The following EPB41L4A variants were observed in gnomAD, a reference collection of about 807,000 sequenced individuals.
EPB41L4A encodes band 4.1-like protein 4A.
Under a neutral mutation model 108.6 loss-of-function variants are expected in EPB41L4A, and 100 were observed. The ratio of observed to expected loss-of-function variants is 0.92; its 90% confidence interval spans 0.78 to 1.09. The LOEUF (loss-of-function observed/expected upper bound fraction) is 1.09. Among genes scored for constraint, EPB41L4A ranks in the 50% least tolerant of loss-of-function variants. The pLI is 0.00. For missense variants in EPB41L4A, 1,030 were observed against 842.7 expected (o/e 1.22, Z -2.75); for synonymous variants, 319 against 289.0 (o/e 1.10, Z -1.05).
At chr5:112,323,999 G>T (rs182405789) in intron 1 of EPB41L4A, among the ~76,000 whole-genome samples, 1 of 152,224 alleles carries the variant, frequency 6.6e-6, no homozygotes, top group East Asian at 1.9e-4. Flanking sequence ...TTTTCAACAT[G>T]CAAGAACTTA....
intron 12 of EPB41L4A, among the ~76,000 whole-genome samples, chr5:112,156,003 C>G (rs768699013): frequency 6.6e-6 from 1 of 151,970 alleles, no homozygotes; most frequent in Non-Finnish European, 1.5e-5. Flanking sequence ...ATAAACAGAA[C>G]TGCAGTAACT....
intron 17 of EPB41L4A, among the ~76,000 whole-genome samples, chr5:112,188,678 C>T (rs1220639877): frequency 1.3e-5 from 2 of 152,124 alleles, no homozygotes; most frequent in African/African-American, 2.4e-5. Context: ...TAGCTTTGTA[C>T]GAACTCTTCT....
chr5:112,339,514 A>T (rs1464657057), intron 1 of EPB41L4A, among the ~76,000 whole-genome samples: 1 of 105,040 alleles, frequency 9.5e-6, no homozygotes. Context: ...ATATATAGAT[A>T]TATAGATATA....
chr5:112,309,723 T>C (rs1247233047), intron 1 of EPB41L4A, among the ~76,000 whole-genome samples: 1 of 152,122 alleles, frequency 6.6e-6, no homozygotes, highest in Non-Finnish European at 1.5e-5. Flanking sequence ...ATCACTGAAG[T>C]GGGCCTAATC....
chr5:112,317,742 C>A (rs1755522832), intron 1 of EPB41L4A, among the ~76,000 whole-genome samples: 1 of 152,144 alleles, frequency 6.6e-6, no homozygotes, highest in African/African-American at 2.4e-5. Context: ...GGTCATTCTT[C>A]TAAAATTGTT....
chr5:112,304,851 G>T (rs1013473259), intron 2 of EPB41L4A, among the ~76,000 whole-genome samples: 6 of 152,158 alleles, frequency 3.9e-5, no homozygotes, highest in African/African-American at 1.4e-4. Context: ...AGCATATCAA[G>T]ATTCAGAAAA....
intron 1 of EPB41L4A, among the ~76,000 whole-genome samples, chr5:112,309,938 T>C (rs1483734503): frequency 6.6e-6 from 1 of 152,178 alleles, no homozygotes; most frequent in East Asian, 1.9e-4. Context: ...ACCTCAGTCC[T>C]ACAACCACAA....
At chr5:112,337,167 T>C (rs552849509) in intron 1 of EPB41L4A, among the ~76,000 whole-genome samples, 134 of 152,320 alleles carry the variant, frequency 8.8e-4, no homozygotes, top group African/African-American at 3.0e-3. Flanking sequence ...TTCAACCATA[T>C]ATAAATGAAA....
intron 12 of EPB41L4A, among the ~76,000 whole-genome samples, chr5:112,150,888 CA>C (rs1289776962): frequency 6.6e-6 from 1 of 152,116 alleles, no homozygotes; most frequent in African/African-American, 2.4e-5. Context: ...CATTTTCAGA[CA>C]AATAAAGGCT....
chr5:112,408,994 T>G (rs1365538719), intron 1 of EPB41L4A, among the ~76,000 whole-genome samples: 1 of 152,064 alleles, frequency 6.6e-6, no homozygotes, highest in Non-Finnish European at 1.5e-5. Context: ...ATTATTAAAT[T>G]AAATGAGAAC....
chr5:112,332,569 C>G (rs1200439307), intron 1 of EPB41L4A, among the ~76,000 whole-genome samples: 1 of 152,182 alleles, frequency 6.6e-6, no homozygotes, highest in Non-Finnish European at 1.5e-5. Context: ...GTCTTCTACT[C>G]CCCAACCTGG....
rs36160525 is a variant in EPB41L4A, at chr5:112,393,339, G to T, written c.99+25602C>A. On this transcript the variant is annotated intron_variant, in intron 1 of 22. Coordinates refer to ENST00000261486, the MANE Select transcript of EPB41L4A (RefSeq NM_022140.5). ...AAAAGATCAACAAAATTGATAGACC[G>T]CTAGCAAGACTAATAAAGAAGAAAA... Among the ~76,000 whole-genome samples the T allele has an allele frequency of 4.5e-3, 679 of 152,082 alleles. 12 individuals are homozygous for T. The highest frequency in any genetic ancestry group is 0.016 in the African/African-American group (645 of 41,498).
intron 1 of EPB41L4A, among the ~76,000 whole-genome samples, chr5:112,403,582 C>T (rs114680997): frequency 0.018 from 2,773 of 152,250 alleles, 89 homozygotes; most frequent in African/African-American, 0.062. Context: ...GATGCTCCCA[C>T]CTCAGCCTAC....
At chr5:112,265,690 TAGA>T (rs1751799162) in intron 5 of EPB41L4A, among the ~76,000 whole-genome samples, 1 of 152,252 alleles carries the variant, frequency 6.6e-6, no homozygotes, top group Non-Finnish European at 1.5e-5. Flanking sequence ...GCTTGATTCT[TAGA>T]AGGTGTCTAA....
intron 4 of EPB41L4A, among the ~76,000 whole-genome samples, chr5:112,270,393 C>G (rs191856924): frequency 1.3e-5 from 2 of 152,232 alleles, no homozygotes; most frequent in East Asian, 3.9e-4. Context: ...AGGAACACAG[C>G]ATTTTATCTA....
At chr5:112,206,347 GA>G (rs1289325728) in intron 13 of EPB41L4A, among the ~76,000 whole-genome samples, 3 of 150,804 alleles carry the variant, frequency 2.0e-5, no homozygotes, top group Admixed American at 1.3e-4. Flanking sequence ...GAGGAGAGAG[GA>G]AAGATGACGA....
At chr5:112,293,478 G>A (rs1305524224) in intron 2 of EPB41L4A, among the ~76,000 whole-genome samples, 2 of 151,996 alleles carry the variant, frequency 1.3e-5, no homozygotes, top group African/African-American at 4.8e-5. Flanking sequence ...CCTAGAAACC[G>A]CAGGATAAAA....
intron 1 of EPB41L4A, among the ~76,000 whole-genome samples, chr5:112,322,361 T>C (rs1197837822): frequency 6.6e-6 from 1 of 152,170 alleles, no homozygotes; most frequent in East Asian, 1.9e-4. Context: ...TGCACTCATA[T>C]TTTACTGGGA....
chr5:112,360,996 G>A (rs373303), intron 1 of EPB41L4A, among the ~76,000 whole-genome samples: 98,363 of 149,384 alleles, frequency 0.66, 32,325 homozygotes, highest in South Asian at 0.81. Flanking sequence ...CCCTCCGCCC[G>A]GCAGCCGCCC....
Sources: allele counts gnomAD v4.1 joint callset (sites outside exome capture counted in the v4.1 genomes callset), GRCh38; gene constraint gnomAD v4.1.1; transcripts MANE v1.5; gene names NCBI Gene and HGNC (gene_info 2026-07-23, HGNC 2026-07-21).